The following ADGRF5 variants were observed in gnomAD, a reference collection of about 807,000 sequenced individuals.
ADGRF5 encodes the protein G-protein coupled receptor 116.
Under a neutral mutation model 132.3 loss-of-function variants are expected in ADGRF5, and 75 were observed. The ratio of observed to expected loss-of-function variants is 0.57; its 90% confidence interval spans 0.47 to 0.69. The LOEUF is 0.69. Among genes scored for constraint, ADGRF5 ranks in the 30% least tolerant of loss-of-function variants. The pLI is 0.00. For synonymous variants in ADGRF5, 629 were observed against 597.6 expected, an observed-to-expected ratio of 1.05 and a Z score of -0.77; for missense variants, 1,516 against 1,630.6, an observed-to-expected ratio of 0.93 and a Z score of 1.21.
intron 3 of ADGRF5, among the ~76,000 whole-genome samples, chr6:46,899,670 TTG>T (rs1438788737): frequency 6.7e-6 from 1 of 149,168 alleles, no homozygotes; most frequent in South Asian, 2.1e-4. Flanking sequence ...TTTTTTTTGT[TTG>T]TTTTGTTTTT....
intron 1 of ADGRF5, among the ~76,000 whole-genome samples, chr6:46,934,338 T>C (rs1448665800): frequency 6.6e-6 from 1 of 152,194 alleles, no homozygotes; most frequent in African/African-American, 2.4e-5. Flanking sequence ...TTGGACCAGA[T>C]CTTTTATTGA....
At chr6:46,862,785 C>T in intron 15 of ADGRF5, 103 bp downstream of exon 15, 2 of 404,544 alleles carry the variant, frequency 4.9e-6, no homozygotes, top group South Asian at 4.5e-5. Flanking sequence ...AGTTTTGGAG[C>T]AACACAAAGC....
intron 11 of ADGRF5, among the ~76,000 whole-genome samples, chr6:46,870,040 C>T (rs867729612): frequency 4.6e-5 from 7 of 152,042 alleles, no homozygotes; most frequent in Middle Eastern, 3.2e-3. Flanking sequence ...TATATCTTTA[C>T]ATGGTTGATA....
rs777549596 is a variant in ADGRF5 at position 46,888,422 on chromosome 6, T to C, written c.241A>G (p.Lys81Glu). Residue 81 changes from lysine (K) to glutamate (E), a missense_variant, in exon 4 of 21, where the codon AAA (lysine) becomes GAA (glutamate). Lys to Glu is a moderately conservative substitution (Grantham distance 56). Transcript: ENST00000283296. ...AAACTGAGGCTGTTCAAGTAGGCTT[T>C]GATAGGATCCAGGAAGGATGCATTT... ...FENASFLDPI[K>E]AYLNSLSFPI... 1.1e-5 allele frequency: 18 copies of C among 1,610,464 alleles called. No individual in the cohort carries two copies. The highest frequency in any genetic ancestry group is 3.4e-6 in the Non-Finnish European group (4 of 1,176,612).
At chr6:46,892,263 G>A (rs1484419898) in intron 3 of ADGRF5, among the ~76,000 whole-genome samples, 2 of 151,572 alleles carry the variant, frequency 1.3e-5, no homozygotes, top group Non-Finnish European at 2.9e-5. Flanking sequence ...AAGTAAATGG[G>A]ACCACTTTGT....
At position 46,858,762 on chromosome 6, in the gene ADGRF5, A is replaced by C. The variant is rs1260726768; in HGVS notation, c.3141T>G (p.Ser1047=). The C allele has an allele frequency of 2.8e-5, 45 of 1,613,624 alleles. No homozygotes were observed. Among genetic ancestry groups the C allele is most frequent in the Non-Finnish European group, 3.8e-5 (45 of 1,179,898 alleles). The part of the protein sequence containing the change: ...VWKSVTKNRT[S]YMRHTCIVNI... ...TCACTATGCAGGTGTGGCGCATATA[A>C]GAAGTCCGGTTCTTGGTCACCGATT... The change falls in exon 17 of 21, where the codon TCT becomes TCG. Residue 1047 remains serine, a synonymous_variant. Transcript: ENST00000283296.
In ADGRF5 at chr6:46,858,293, C is replaced by G; in HGVS notation, c.3610G>C (p.Asp1204His). The G allele has an allele frequency of 6.2e-7, 1 of 1,614,046 alleles. No homozygotes were observed. The highest frequency in any genetic ancestry group is 1.1e-5 in the South Asian group (1 of 91,074). Residue 1204 changes from aspartate (D) to histidine (H), a missense_variant, in exon 17 of 21, where the codon GAC (aspartate) becomes CAC (histidine). Physicochemically the swap from Asp to His is moderately conservative, Grantham distance 81. This residue lies in a region of ADGRF5 where 571 missense variants were observed against 701.2 expected (regional missense o/e 0.81). Transcript: ENST00000283296. ...ITKILRPSIG[D>H]KPCKQEKSSL... ...CTCTTCTCCTGCTTGCATGGCTTGTCTCCAATGGAAGGCCTCAGGATCTTG... is the reference window on the plus strand; with the variant it reads ...CTCTTCTCCTGCTTGCATGGCTTGTGTCCAATGGAAGGCCTCAGGATCTTG...
chr6:46,860,977 C>T, intron 15 of ADGRF5, 83 bp from the exon 16 acceptor site: 1 of 1,038,424 alleles, frequency 9.6e-7, no homozygotes, highest in South Asian at 1.6e-5. Context: ...CTGGCAAAAT[C>T]TCTCACATCC....
At chr6:46,868,017 T>C (rs9472889) in intron 12 of ADGRF5, among the ~76,000 whole-genome samples, 6,270 of 152,312 alleles carry the variant, frequency 0.041, 452 homozygotes, top group African/African-American at 0.14. Flanking sequence ...TTCCTGACTG[T>C]ATACTACCAA....
rs758539822 is a variant in ADGRF5 at position 46,884,100 on chromosome 6, T to C, written c.500A>G (p.Gln167Arg). The change falls in exon 5 of 21, where the codon CAG becomes CGG. Residue 167 changes from glutamine (Q) to arginine (R), a missense_variant. By Grantham distance (43) the Gln-to-Arg change is conservative (BLOSUM62 1). This residue lies in a region of ADGRF5 where 945 missense variants were observed against 929.4 expected (regional missense o/e 1.02). Coordinates refer to ENST00000283296, the MANE Select transcript of ADGRF5 (RefSeq NM_001098518.2). ...LPPNGPFCLLQEDVTLNMRVR... is the reference protein window; with the variant it reads ...LPPNGPFCLLREDVTLNMRVR... Reference sequence around the variant, plus strand: ...TTTAATGAGCAGTTACTTACCTTCCTGAAGCAGGCAAAAAGGTCCATTGGG... The same window carrying C: ...TTTAATGAGCAGTTACTTACCTTCCCGAAGCAGGCAAAAAGGTCCATTGGG... The C allele has an allele frequency of 2.5e-6, 4 of 1,613,406 alleles. No individual in the cohort carries two copies. The highest frequency in any genetic ancestry group is 2.2e-5 in the East Asian group (1 of 44,886).
chr6:46,865,246 T>C, intron 13 of ADGRF5, 49 bp from the exon 14 acceptor site: 1 of 1,315,578 alleles, frequency 7.6e-7, no homozygotes, highest in South Asian at 1.3e-5. Context: ...GAGTCTCTAA[T>C]GCACAAATTG....
At chr6:46,945,108 T>C (rs1467906821) in intron 1 of ADGRF5, among the ~76,000 whole-genome samples, 2 of 152,176 alleles carry the variant, frequency 1.3e-5, no homozygotes. Flanking sequence ...CAACCCCACC[T>C]CAGGTGCATG....
At chr6:46,913,510 A>C (rs966706635) in intron 1 of ADGRF5, among the ~76,000 whole-genome samples, 32 of 151,732 alleles carry the variant, frequency 2.1e-4, no homozygotes, top group Non-Finnish European at 1.5e-4. Context: ...AAAAAAAAAA[A>C]AGAAGAAGAA....
chr6:46,858,240 A>G lies in ADGRF5; in HGVS notation c.3663T>C (p.Ile1221=), dbSNP rs182572299. The stretch of plus-strand genomic sequence containing the variant: ...GGCCCAAGAGTGGTGTGAGGACCCC[A>G]ATGCTCTTGCTGATCTGAAACAGGC... ...KSSLFQISKS[I]GVLTPLLGLT... Residue 1221 remains isoleucine (I), a synonymous_variant, in exon 17 of 21, where the codon ATT becomes ATC. Coordinates refer to ENST00000283296, the MANE Select transcript of ADGRF5 (RefSeq NM_001098518.2). The G allele has an allele frequency of 1.6e-3, 2,564 of 1,614,040 alleles. 20 individuals carry two copies. The Admixed American group carries it at 0.017, about 11-fold the overall frequency.
At chr6:46,865,228 C>G in intron 13 of ADGRF5, 31 bp from the exon 14 acceptor site, 2 of 1,531,354 alleles carry the variant, frequency 1.3e-6, no homozygotes, top group Non-Finnish European at 1.8e-6. Context: ...AGAATTAAGT[C>G]ACAACATGAG....
chr6:46,870,584 A>G (rs139039918), intron 11 of ADGRF5, among the ~76,000 whole-genome samples: 23 of 152,310 alleles, frequency 1.5e-4, no homozygotes, highest in African/African-American at 5.3e-4. Flanking sequence ...ATGTCCCTGC[A>G]TTGCCCTCCC....
At chr6:46,937,646 A>T (rs1777899390) in intron 1 of ADGRF5, among the ~76,000 whole-genome samples, 2 of 152,234 alleles carry the variant, frequency 1.3e-5, no homozygotes, top group Non-Finnish European at 2.9e-5. Flanking sequence ...AATTAGGTAC[A>T]GTTAAGAGAT....
intron 1 of ADGRF5, among the ~76,000 whole-genome samples, chr6:46,917,258 C>T (rs1392084439): frequency 6.6e-6 from 1 of 152,218 alleles, no homozygotes; most frequent in African/African-American, 2.4e-5. Flanking sequence ...ACCTTTATGG[C>T]ATATTGTCTC....
chr6:46,901,188 A>T (rs772937990), intron 2 of ADGRF5, among the ~76,000 whole-genome samples: 54 of 152,254 alleles, frequency 3.5e-4, no homozygotes, highest in Admixed American at 9.2e-4. Flanking sequence ...GGCATTGATC[A>T]GTTTCACTCA....
Sources: gnomAD v4.1 joint callset for allele counts (sites outside exome capture counted in the v4.1 genomes callset) on GRCh38, gnomAD v4.1.1 for gene constraint, gnomAD v4.1.1 regional missense constraint, MANE v1.5 for transcripts, NCBI Gene and HGNC (gene_info 2026-07-23, HGNC 2026-07-21) for gene names.